LPCAT1: variants seen among roughly 807,000 people sequenced by gnomAD.
The protein encoded by LPCAT1 is lysophosphatidylcholine acyltransferase 1.
A neutral mutation model predicts 60.9 loss-of-function variants in LPCAT1; 23 were observed. The observed-to-expected ratio is 0.38, with a 90% confidence interval of 0.27 to 0.53. The LOEUF (loss-of-function observed/expected upper bound fraction) is 0.53, where lower values mean the gene tolerates loss of function less well. Among genes scored for constraint, LPCAT1 ranks in the 20% least tolerant of loss-of-function variants. The probability of loss-of-function intolerance (pLI) is 0.82; values close to 1 mark genes in which losing one functional copy is unlikely to be tolerated. For missense variants in LPCAT1, 622 were observed against 723.6 expected, an observed-to-expected ratio of 0.86 and a Z score of 1.61; for synonymous variants, 340 against 301.1, an observed-to-expected ratio of 1.13 and a Z score of -1.34.
At chr5:1,470,592 G>A (rs1251080429) in intron 12 of LPCAT1, among the ~76,000 whole-genome samples, 1 of 152,254 alleles carries the variant, frequency 6.6e-6, no homozygotes, top group Non-Finnish European at 1.5e-5. Context: ...GACCCAGGAA[G>A]AACCTCAGCC....
chr5:1,504,876 C>T (rs183275197), intron 1 of LPCAT1, among the ~76,000 whole-genome samples: 55 of 152,394 alleles, frequency 3.6e-4, no homozygotes, highest in East Asian at 1.2e-3. Context: ...CCTGGGGCCA[C>T]GGCAGCCTCT....
In LPCAT1 at chr5:1,496,694, G is replaced by C. The variant is rs903307694; in HGVS notation, c.279-1780C>G. On this transcript the variant is annotated intron_variant, in intron 2 of 13. Transcript: ENST00000283415. This position sits in a 1 kb window ranked among gnomAD's most constrained non-coding sequence, Gnocchi z 4.7. Reference sequence around the variant, plus strand: ...GGGAACTGTACTGGGTGTCGGGGCAGGGAAAAAGCAGCCTCAGCTCTTCTC... The same window carrying C: ...GGGAACTGTACTGGGTGTCGGGGCACGGAAAAAGCAGCCTCAGCTCTTCTC... Among the ~76,000 whole-genome samples, 1 of 152,214 alleles carries C rather than the reference G, an allele frequency of 6.6e-6. No homozygotes were observed. The highest frequency in any genetic ancestry group is 1.5e-5 in the Non-Finnish European group (1 of 68,040).
chr5:1,488,449 T>C lies in LPCAT1; in HGVS notation c.609A>G (p.Ile203Met), dbSNP rs1294918726. ...RAQSNGKWPQ[I>M]MIFPEGTCTN... ...TACAAGTTCCTTCTGGAAAAATCATTATCTGGAAGTGGGAGAAAGAAAAGG... is the reference window on the plus strand; with the variant it reads ...TACAAGTTCCTTCTGGAAAAATCATCATCTGGAAGTGGGAGAAAGAAAAGG... Residue 203 changes from isoleucine (I) to methionine (M), a missense_variant and splice_region_variant, in exon 5 of 14, where the codon ATA becomes ATG. Transcript: ENST00000283415. 1 of 1,593,852 alleles carries C rather than the reference T, an allele frequency of 6.3e-7. No individual in the cohort carries two copies. The highest frequency in any genetic ancestry group is 8.6e-7 in the Non-Finnish European group (1 of 1,168,356).
At chr5:1,520,860 C>CAAAAAAAAAA (rs59074953) in intron 1 of LPCAT1, among the ~76,000 whole-genome samples, 23 of 81,954 alleles carry the variant, frequency 2.8e-4, no homozygotes, top group South Asian at 9.0e-4. Flanking sequence ...GAGACTGTCT[C>CAAAAAAAAAA]AAAAAAAAAA....
intron 5 of LPCAT1, among the ~76,000 whole-genome samples, chr5:1,485,032 G>A (rs1364988596): frequency 1.3e-5 from 2 of 152,220 alleles, no homozygotes; most frequent in South Asian, 4.1e-4. Context: ...ACGCAGTGTG[G>A]AGGAAATAGT....
At position 1,518,485 on chromosome 5, in the gene LPCAT1, C is replaced by T. The variant is rs993669121; in HGVS notation, c.135+5225G>A. Among the ~76,000 whole-genome samples the T allele has an allele frequency of 3.3e-5, 5 of 152,222 alleles. No homozygotes were observed. The East Asian group carries it at 5.8e-4, about 18-fold the overall frequency. On this transcript the variant is annotated intron_variant, in intron 1 of 13. Coordinates refer to ENST00000283415, the MANE Select transcript of LPCAT1 (RefSeq NM_024830.5). ...CCTCCTGGGTGGCTGGGACTGCAGG[C>T]ACCTGCCATGACACCCGTCTAATTT...
chr5:1,465,522 C>T (rs1579748358), intron 13 of LPCAT1, among the ~76,000 whole-genome samples: 1 of 149,816 alleles, frequency 6.7e-6, no homozygotes, highest in Non-Finnish European at 1.5e-5. Flanking sequence ...TGCACACACA[C>T]AAAACAAGCA....
chr5:1,502,030 C>T lies in LPCAT1; in HGVS notation c.136-427G>A, dbSNP rs953016841. Among the ~76,000 whole-genome samples the T allele has an allele frequency of 2.0e-5, 3 of 152,234 alleles. No individual in the cohort carries two copies. The highest frequency in any genetic ancestry group is 4.8e-5 in the African/African-American group (2 of 41,466). On this transcript the variant is annotated intron_variant, in intron 1 of 13. Coordinates refer to ENST00000283415, the MANE Select transcript of LPCAT1 (RefSeq NM_024830.5). The surrounding 1 kb of genome is among the most constrained non-coding windows in gnomAD (Gnocchi z 5.5). The stretch of plus-strand genomic sequence containing the variant: ...CAACATTGACCGGCACTGACCAAGG[C>T]TGACCGGTGCTGATGCCGACCAGCC...
rs1366296989 is a variant in LPCAT1 at position 1,495,481 on chromosome 5, T to C, written c.279-567A>G. Among the ~76,000 whole-genome samples the C allele has an allele frequency of 1.3e-5, 2 of 152,112 alleles. No individual in the cohort carries two copies. Among genetic ancestry groups the C allele is most frequent in the Non-Finnish European group, 2.9e-5 (2 of 68,006 alleles). The stretch of plus-strand genomic sequence containing the variant: ...TGGAGGAAATTAGATGGCCAATAAA[T>C]TTGGAAAATAAAGTAAAAATCAGCC... On this transcript the variant is annotated intron_variant, in intron 2 of 13. Coordinates refer to ENST00000283415, the MANE Select transcript of LPCAT1 (RefSeq NM_024830.5). This position sits in a 1 kb window ranked among gnomAD's most constrained non-coding sequence, Gnocchi z 4.7.
At chr5:1,497,281 A>T (rs1447852797) in intron 2 of LPCAT1, among the ~76,000 whole-genome samples, 12 of 152,210 alleles carry the variant, frequency 7.9e-5, no homozygotes. Context: ...ATGCAGGGGG[A>T]AAAGGAGGAA....
At position 1,495,697 on chromosome 5, in the gene LPCAT1, C is replaced by T. The variant is rs1483653006; in HGVS notation, c.279-783G>A. ...GGTCAGGCACACAGAGAACATGATTCAGCCTCATGAGAAGCCACGGCTCAC... is the reference window on the plus strand; with the variant it reads ...GGTCAGGCACACAGAGAACATGATTTAGCCTCATGAGAAGCCACGGCTCAC... On this transcript the variant is annotated intron_variant, in intron 2 of 13. Transcript: ENST00000283415. The surrounding 1 kb of genome is among the most constrained non-coding windows in gnomAD (Gnocchi z 4.7). Among the ~76,000 whole-genome samples, 3 of 152,200 alleles carry T rather than the reference C, an allele frequency of 2.0e-5. No individual in the cohort carries two copies. Among genetic ancestry groups the T allele is most frequent in the Non-Finnish European group, 4.4e-5 (3 of 68,036 alleles).
intron 2 of LPCAT1, among the ~76,000 whole-genome samples, chr5:1,497,511 T>C (rs36990): frequency 0.73 from 110,973 of 152,238 alleles, 41,038 homozygotes; most frequent in Middle Eastern, 0.89. Flanking sequence ...GCCGGTGGGG[T>C]AGGGCAAAGG....
chr5:1,471,073 A>G, intron 11 of LPCAT1, 149 bp from the exon 12 acceptor site: 1 of 645,094 alleles, frequency 1.6e-6, no homozygotes, highest in Non-Finnish European at 2.7e-6. Flanking sequence ...TCTTGGAAGG[A>G]CATTCCACCA....
Position 1,480,249 on chromosome 5 carries a change from T to G in LPCAT1, c.762-574A>C. 1.6e-6 allele frequency: 1 copy of G among 625,698 alleles called. No individual in the cohort carries two copies. Among genetic ancestry groups the G allele is most frequent in the Non-Finnish European group, 1.9e-6 (1 of 515,200 alleles). 38.8% of individuals were successfully genotyped at this position (625,698 alleles called of 1,614,324 possible). A position where few individuals can be genotyped will look rare whatever the true frequency, so the allele number is the denominator to read the frequency against. On this transcript the variant is annotated intron_variant, in intron 7 of 13. Coordinates refer to ENST00000283415, the MANE Select transcript of LPCAT1 (RefSeq NM_024830.5). This position sits in a 1 kb window ranked among gnomAD's most constrained non-coding sequence, Gnocchi z 6.4. ...ATACCCCCCAGAGCCCCCTCCCAGCTCTGCTCCCAGCTGGGAGCCTCCACA... is the reference window on the plus strand; with the variant it reads ...ATACCCCCCAGAGCCCCCTCCCAGCGCTGCTCCCAGCTGGGAGCCTCCACA...
At chr5:1,474,829 TCA>T (rs1477859541) in intron 9 of LPCAT1, 144 bp from the exon 10 acceptor site, 3 of 1,067,130 alleles carry the variant, frequency 2.8e-6, no homozygotes, top group Admixed American at 6.0e-5. Context: ...GGTGGGGCAG[TCA>T]CACATTCATC....
In LPCAT1 at chr5:1,496,325, C is replaced by T. The variant is rs1439465134; in HGVS notation, c.279-1411G>A. ...GCAGTGAGCCGAGATTGCGCCACTG[C>T]ACTCCAGCCTGGGCAACAGAGTGAG... On this transcript the variant is annotated intron_variant, in intron 2 of 13. Coordinates refer to ENST00000283415, the MANE Select transcript of LPCAT1 (RefSeq NM_024830.5). The surrounding 1 kb of genome is among the most constrained non-coding windows in gnomAD (Gnocchi z 4.7). Among the ~76,000 whole-genome samples the T allele has an allele frequency of 6.6e-6, 1 of 151,850 alleles. No individual in the cohort carries two copies. The highest frequency in any genetic ancestry group is 2.4e-5 in the African/African-American group (1 of 41,304).
chr5:1,512,126 A>G (rs1364102511), intron 1 of LPCAT1, among the ~76,000 whole-genome samples: 1 of 152,214 alleles, frequency 6.6e-6, no homozygotes, highest in African/African-American at 2.4e-5. Flanking sequence ...ATTCGCCAGT[A>G]AAGTGAGCCC....
chr5:1,479,510 A>T, intron 8 of LPCAT1, 111 bp downstream of exon 8: 1 of 808,720 alleles, frequency 1.2e-6, no homozygotes. Context: ...ATGGGAAAGC[A>T]AGACAGGTGA....
In LPCAT1 at chr5:1,477,805, C is replaced by T. The variant is rs1734983951; in HGVS notation, c.817-319G>A. 2.6e-5 allele frequency among the ~76,000 whole-genome samples: 3 copies of T among 116,332 alleles called. No individual in the cohort carries two copies. Among genetic ancestry groups the T allele is most frequent in the African/African-American group, 6.9e-5 (2 of 29,182 alleles). 76.3% of individuals were successfully genotyped at this position (116,332 alleles called of 152,430 possible). On this transcript the variant is annotated intron_variant, in intron 8 of 13. Transcript: ENST00000283415. This position sits in a 1 kb window ranked among gnomAD's most constrained non-coding sequence, Gnocchi z 6.0. ...GGAGCGCCTGCTGCCTACATCAGAA[C>T]ATCTGGCTCTCTGATCTACACTCAC...
Sources: gnomAD v4.1 joint callset for allele counts (sites outside exome capture counted in the v4.1 genomes callset) on GRCh38, gnomAD v4.1.1 for gene constraint, Gnocchi (gnomAD v3.1) non-coding constraint, MANE v1.5 for transcripts, NCBI Gene and HGNC (gene_info 2026-07-23, HGNC 2026-07-21) for gene names.